The following DSE variants were observed in gnomAD, a reference collection of about 807,000 sequenced individuals.
The protein encoded by DSE is dermatan-sulfate epimerase.
DSE carries 36 observed loss-of-function variants against 84.4 expected under a neutral mutation model. The observed-to-expected ratio is 0.43, with a 90% CI of 0.33 to 0.56. The LOEUF is 0.56. Among genes scored for constraint, DSE ranks in the 20% least tolerant of loss-of-function variants. The pLI is 0.06. For synonymous variants in DSE, 410 were observed against 430.1 expected (o/e 0.95, Z 0.58); for missense variants, 862 against 1,169.6 (o/e 0.74, Z 3.84).
Position 116,435,779 on chromosome 6 carries a change from A to C in DSE, c.1311A>C (p.Lys437Asn). 1 of 1,614,144 alleles carries C rather than the reference A, an allele frequency of 6.2e-7. No homozygotes were observed. The change falls in exon 6 of 6, where the codon AAA becomes AAC. Residue 437 changes from lysine to asparagine, a missense_variant. By Grantham distance (94) the Lys-to-Asn change is moderately conservative (BLOSUM62 0). This residue lies in a region of DSE where 309 missense variants were observed against 516.9 expected (regional missense o/e 0.60). Transcript: ENST00000644252. Reference sequence around the variant, plus strand: ...ACATTGTCCACAGAAACAAATACAAAGATTGGATCAAAGGATGGAGAAATT... The same window carrying C: ...ACATTGTCCACAGAAACAAATACAACGATTGGATCAAAGGATGGAGAAATT... ...IYDIVHRNKY[K>N]DWIKGWRNFN...
In DSE at chr6:116,441,299, G is replaced by A. The variant is rs1784417490; in HGVS notation, c.*3954G>A. 1 of 151,832 alleles carries A rather than the reference G, an allele frequency of 6.6e-6. No individual in the cohort carries two copies. Among genetic ancestry groups the A allele is most frequent in the Non-Finnish European group, 1.5e-5 (1 of 67,960 alleles). 9.4% of individuals were successfully genotyped at this position (151,832 alleles called of 1,614,324 possible). On this transcript the variant is annotated 3_prime_UTR_variant, in exon 6 of 6. Coordinates refer to ENST00000644252, the MANE Select transcript of DSE (RefSeq NM_013352.4). ...TTCTTGCATATACAGTTTCCCTCTT[G>A]GTTTTGGGATTTTTTTAATTGAAGT... is the stretch of plus-strand genomic sequence containing the variant.
At position 116,436,678 on chromosome 6, in the gene DSE, A is replaced by T. The variant is rs1434824895; in HGVS notation, c.2210A>T (p.Asp737Val). The T allele has an allele frequency of 1.9e-6, 3 of 1,614,074 alleles. No homozygotes were observed. In the African/African-American group the frequency reaches 4.0e-5, roughly 22 times the overall value. ...AGCAGCATTGTCCCTGAGGTGAAGG[A>T]CTATGCTGCTATTGTGGAACAGAAC... ...IKSSIVPEVK[D>V]YAAIVEQNLQ... Residue 737 changes from aspartate (D) to valine (V), a missense_variant, in exon 6 of 6, where the codon GAC (aspartate) becomes GTC (valine). This residue lies in a region of DSE where 315 missense variants were observed against 348.1 expected (regional missense o/e 0.90). Coordinates refer to ENST00000644252, the MANE Select transcript of DSE (RefSeq NM_013352.4).
chr6:116,423,755 CT>C (rs1398034798), intron 2 of DSE, among the ~76,000 whole-genome samples: 4 of 152,260 alleles, frequency 2.6e-5, no homozygotes, highest in African/African-American at 9.6e-5. Flanking sequence ...CATTATTTCA[CT>C]TTGTATCTAA....
chr6:116,291,883 G>C (rs1358318205), intron 2 of DSE, among the ~76,000 whole-genome samples: 1 of 152,138 alleles, frequency 6.6e-6, no homozygotes, highest in East Asian at 1.9e-4. Context: ...AAGGAAGACT[G>C]ATTTGTTTAG....
intron 2 of DSE, among the ~76,000 whole-genome samples, chr6:116,298,478 C>T (rs753118736): frequency 3.3e-5 from 5 of 152,122 alleles, no homozygotes; most frequent in South Asian, 2.1e-4. Flanking sequence ...AGACAGAGGA[C>T]GGGGCCACTA....
intron 2 of DSE, among the ~76,000 whole-genome samples, chr6:116,293,265 C>T (rs945445121): frequency 1.4e-5 from 2 of 143,640 alleles, no homozygotes; most frequent in Admixed American, 7.2e-5. Flanking sequence ...AAGGTTTTTC[C>T]TTTTCTTTTT....
At chr6:116,338,420 C>A (rs1777397703) in intron 2 of DSE, among the ~76,000 whole-genome samples, 1 of 151,736 alleles carries the variant, frequency 6.6e-6, no homozygotes, top group Non-Finnish European at 1.5e-5. Context: ...GACGGGGTTT[C>A]ACTATGTTGC....
Position 116,399,440 on chromosome 6 carries a change from C to G in DSE, c.190C>G (p.His64Asp), listed in dbSNP as rs747821151. ...GCTGCAGCTCAGGGCTGCCAGCTCGCACGAGCACATTGCAGCCCGCCTCAC... is the reference window on the plus strand; with the variant it reads ...GCTGCAGCTCAGGGCTGCCAGCTCGGACGAGCACATTGCAGCCCGCCTCAC... Reference protein sequence around the residue: ...AELQLRAASSHEHIAARLTEA... With the variant: ...AELQLRAASSDEHIAARLTEA... Residue 64 changes from histidine to aspartate, a missense_variant, in exon 2 of 6, where the codon CAC becomes GAC. By Grantham distance (81) the His-to-Asp change is moderately conservative. Coordinates refer to ENST00000644252, the MANE Select transcript of DSE (RefSeq NM_013352.4). 1 of 1,614,094 alleles carries G rather than the reference C, an allele frequency of 6.2e-7. No homozygotes were observed. Among genetic ancestry groups the G allele is most frequent in the Non-Finnish European group, 8.5e-7 (1 of 1,180,040 alleles).
chr6:116,401,949 G>T (rs1345877751), intron 2 of DSE, among the ~76,000 whole-genome samples: 1 of 150,886 alleles, frequency 6.6e-6, no homozygotes, highest in Non-Finnish European at 1.5e-5. Flanking sequence ...TTCTACAATA[G>T]CTTCATCAGG....
chr6:116,388,530 G>A (rs1419580515), intron 1 of DSE, among the ~76,000 whole-genome samples: 1 of 152,182 alleles, frequency 6.6e-6, no homozygotes, highest in Non-Finnish European at 1.5e-5. Flanking sequence ...ACATCAAAGG[G>A]GGAGAATTGG....
intron 2 of DSE, among the ~76,000 whole-genome samples, chr6:116,283,947 A>C (rs1018479362): frequency 2.0e-5 from 3 of 152,234 alleles, no homozygotes; most frequent in Admixed American, 6.5e-5. Context: ...TTTTATTTGC[A>C]GAGGAAATAC....
At chr6:116,408,989 G>A (rs1377206449) in intron 2 of DSE, among the ~76,000 whole-genome samples, 2 of 152,196 alleles carry the variant, frequency 1.3e-5, no homozygotes, top group African/African-American at 4.8e-5. Context: ...GAGCCAGTCT[G>A]CCAGTGTTCC....
chr6:116,407,784 A>G (rs1261721302), intron 2 of DSE, among the ~76,000 whole-genome samples: 1 of 152,172 alleles, frequency 6.6e-6, no homozygotes, highest in Non-Finnish European at 1.5e-5. Context: ...AGATCAATCT[A>G]TTTTCACCCA....
At chr6:116,398,775 A>G (rs1376912813) in intron 1 of DSE, among the ~76,000 whole-genome samples, 1 of 152,248 alleles carries the variant, frequency 6.6e-6, no homozygotes, top group Non-Finnish European at 1.5e-5. Flanking sequence ...TAAGAAATAC[A>G]GGATTTTCTG....
chr6:116,315,190 G>A (rs1045092504), intron 2 of DSE, among the ~76,000 whole-genome samples: 8 of 152,094 alleles, frequency 5.3e-5, no homozygotes, highest in African/African-American at 1.9e-4. Flanking sequence ...AACATTATGT[G>A]CCAGGCACTG....
upstream of DSE, chr6:116,366,179 A>G (rs1433067588): frequency 2.6e-5 from 4 of 152,230 alleles, no homozygotes; most frequent in Admixed American, 1.3e-4. Flanking sequence ...GAACTCAACA[A>G]TGTTAAATGA....
At chr6:116,388,262 T>C (rs1011933385) in intron 1 of DSE, among the ~76,000 whole-genome samples, 1 of 152,190 alleles carries the variant, frequency 6.6e-6, no homozygotes, top group African/African-American at 2.4e-5. Flanking sequence ...TTGGTGTAAA[T>C]CCCAGGCAAA....
chr6:116,365,614 C>T (rs1779124647), upstream of DSE, among the ~76,000 whole-genome samples: 2 of 152,300 alleles, frequency 1.3e-5, no homozygotes, highest in East Asian at 1.9e-4. Flanking sequence ...AGCACCACTA[C>T]GTAGCATTGG....
chr6:116,347,702 C>T (rs1778071413), intron 2 of DSE, among the ~76,000 whole-genome samples: 2 of 152,190 alleles, frequency 1.3e-5, no homozygotes, highest in African/African-American at 4.8e-5. Flanking sequence ...TAGAAGAAAA[C>T]CTAGGCAATA....
Sources: allele counts gnomAD v4.1 joint callset (sites outside exome capture counted in the v4.1 genomes callset), GRCh38; gene constraint gnomAD v4.1.1; regional missense constraint gnomAD v4.1.1; transcripts MANE v1.5; gene names NCBI Gene and HGNC (gene_info 2026-07-23, HGNC 2026-07-21).